Variants in NR3C2 observed in about 807,000 individuals in gnomAD.
NR3C2 encodes the protein mineralocorticoid receptor.
In NR3C2, 15 loss-of-function variants were observed where a neutral mutation model predicts 86.4. That is an observed-to-expected ratio of 0.17 (90% confidence interval 0.12 to 0.27). The LOEUF is 0.27. NR3C2 is among the 10% of genes least tolerant of loss of function. The pLI is 1.00. For synonymous variants in NR3C2, 458 were observed against 450.5 expected, an observed-to-expected ratio of 1.02 and a Z score of -0.21; for missense variants, 960 against 1,195.6, an observed-to-expected ratio of 0.80 and a Z score of 2.91.
intron 2 of NR3C2, among the ~76,000 whole-genome samples, chr4:148,276,351 A>T (rs529217195): frequency 6.6e-6 from 1 of 152,286 alleles, no homozygotes; most frequent in South Asian, 2.1e-4. Flanking sequence ...TTATATACCT[A>T]CAACTCTGAT....
chr4:148,220,073 C>A (rs1737755250), intron 3 of NR3C2, among the ~76,000 whole-genome samples: 1 of 144,870 alleles, frequency 6.9e-6, no homozygotes, highest in Non-Finnish European at 1.5e-5. Flanking sequence ...CAGGTATACA[C>A]CACTACACCC....
At chr4:148,305,863 G>A (rs1742590123) in intron 2 of NR3C2, among the ~76,000 whole-genome samples, 1 of 152,158 alleles carries the variant, frequency 6.6e-6, no homozygotes, top group African/African-American at 2.4e-5. Context: ...AATTCAATAT[G>A]TTTCCTGGCT....
At chr4:148,205,603 C>A (rs1736963994) in intron 3 of NR3C2, among the ~76,000 whole-genome samples, 1 of 152,160 alleles carries the variant, frequency 6.6e-6, no homozygotes, top group Non-Finnish European at 1.5e-5. Context: ...CTATTACATG[C>A]CAGTTACAGC....
intron 2 of NR3C2, among the ~76,000 whole-genome samples, chr4:148,274,520 T>C (rs1268800058): frequency 1.3e-5 from 2 of 151,930 alleles, no homozygotes; most frequent in African/African-American, 4.8e-5. Flanking sequence ...TTTAAAAGTG[T>C]TGGGCAGCTC....
At position 148,345,726 on chromosome 4, in the gene NR3C2, AGGACTTTAATACTGT is replaced by A. The variant is rs560577078; in HGVS notation, c.1758-85624_1758-85610del. 1.7e-3 allele frequency among the ~76,000 whole-genome samples: 253 copies of A among 152,096 alleles called. 1 individual carries two copies. The highest frequency in any genetic ancestry group is 5.8e-3 in the African/African-American group (242 of 41,532). The stretch of plus-strand genomic sequence containing the variant: ...CCGGAGTAAAGGTTAATTAAACCTG[AGGACTTTAATACTGT>A]GTTCTTTCTGGGTGTCTTCATTCAC... On this transcript the variant is annotated intron_variant, in intron 2 of 8. Coordinates refer to ENST00000358102, the MANE Select transcript of NR3C2 (RefSeq NM_000901.5).
chr4:148,282,740 A>G (rs1435173009), intron 2 of NR3C2, among the ~76,000 whole-genome samples: 1 of 152,204 alleles, frequency 6.6e-6, no homozygotes, highest in African/African-American at 2.4e-5. Flanking sequence ...AGAGCAGACT[A>G]AAGAATTCCA....
At position 148,377,289 on chromosome 4, in the gene NR3C2, C is replaced by G. The variant is rs188103555; in HGVS notation, c.1757+57815G>C. On this transcript the variant is annotated intron_variant, in intron 2 of 8. Transcript: ENST00000358102. ...TGTCTCAGGAGGTGAATGTGGCATCCACACCTGCATGGTATGAGGGCACTA... is the reference window on the plus strand; with the variant it reads ...TGTCTCAGGAGGTGAATGTGGCATCGACACCTGCATGGTATGAGGGCACTA... 3.5e-3 allele frequency among the ~76,000 whole-genome samples: 530 copies of G among 152,278 alleles called. 3 individuals are homozygous for G. The highest frequency in any genetic ancestry group is 4.7e-3 in the Non-Finnish European group (321 of 68,028).
intron 3 of NR3C2, among the ~76,000 whole-genome samples, chr4:148,242,547 A>G (rs1273933856): frequency 6.6e-6 from 1 of 152,212 alleles, no homozygotes; most frequent in Admixed American, 6.5e-5. Flanking sequence ...GTGGGCCCTG[A>G]ATTTACTGGA....
intron 2 of NR3C2, among the ~76,000 whole-genome samples, chr4:148,285,576 G>A (rs189805853): frequency 0.014 from 2,065 of 152,072 alleles, 51 homozygotes; most frequent in African/African-American, 0.047. Flanking sequence ...GCGTGGTGAC[G>A]TGCGCCTGTA....
intron 2 of NR3C2, among the ~76,000 whole-genome samples, chr4:148,430,874 A>T (rs1350805369): frequency 1.3e-5 from 2 of 152,312 alleles, no homozygotes; most frequent in African/African-American, 4.8e-5. Context: ...AAAAGAATAA[A>T]TATAGGTTAT....
intron 2 of NR3C2, among the ~76,000 whole-genome samples, chr4:148,410,531 A>T (rs996395171): frequency 6.6e-6 from 1 of 152,228 alleles, no homozygotes; most frequent in African/African-American, 2.4e-5. Flanking sequence ...TGTTAACACT[A>T]CATCCTAGTT....
intron 3 of NR3C2, among the ~76,000 whole-genome samples, chr4:148,259,387 G>A (rs750044199): frequency 1.5e-4 from 23 of 152,100 alleles, no homozygotes; most frequent in Admixed American, 4.6e-4. Flanking sequence ...ACGATTTTGG[G>A]GCAGAAGCAA....
At chr4:148,104,901 T>C (rs898288110) in intron 8 of NR3C2, among the ~76,000 whole-genome samples, 1 of 152,224 alleles carries the variant, frequency 6.6e-6, no homozygotes, top group Non-Finnish European at 1.5e-5. Context: ...CTCATTTCCA[T>C]GGCAGGCTTC....
At chr4:148,427,449 G>T (rs1350904397) in intron 2 of NR3C2, among the ~76,000 whole-genome samples, 1 of 151,866 alleles carries the variant, frequency 6.6e-6, no homozygotes, top group Non-Finnish European at 1.5e-5. Context: ...GCCAACTGTG[G>T]TGGCTTATAG....
intron 2 of NR3C2, among the ~76,000 whole-genome samples, chr4:148,433,412 A>C (rs1481142563): frequency 1.3e-5 from 2 of 152,216 alleles, no homozygotes; most frequent in Non-Finnish European, 2.9e-5. Context: ...ACAAGTGCTT[A>C]AATATTTTAA....
chr4:148,225,566 ATTCCC>A (rs1444291690), intron 3 of NR3C2, among the ~76,000 whole-genome samples: 1 of 152,132 alleles, frequency 6.6e-6, no homozygotes, highest in Non-Finnish European at 1.5e-5. Context: ...GAAAATATTT[ATTCCC>A]ATCATCTCCT....
At chr4:148,109,083 G>A (rs1412879637) in intron 8 of NR3C2, among the ~76,000 whole-genome samples, 1 of 152,142 alleles carries the variant, frequency 6.6e-6, no homozygotes, top group East Asian at 1.9e-4. Context: ...GGAAGTTCTG[G>A]CTGCCACCAG....
At chr4:148,367,210 T>C (rs1561067318) in intron 2 of NR3C2, among the ~76,000 whole-genome samples, 3 of 152,140 alleles carry the variant, frequency 2.0e-5, no homozygotes, top group East Asian at 1.9e-4. Context: ...TGTCATGAGA[T>C]TGTGTGCTTT....
In NR3C2 at chr4:148,428,002, A is replaced by G. The variant is rs540635856; in HGVS notation, c.1757+7102T>C. ...CTGATGAAGAATGGGGTGCTTACAC[A>G]GTTTCAAAGTACCTTCCACAAAATA... On this transcript the variant is annotated intron_variant, in intron 2 of 8. Transcript: ENST00000358102. Among the ~76,000 whole-genome samples the G allele has an allele frequency of 1.1e-4, 16 of 152,354 alleles. No homozygotes were observed. The East Asian group carries it at 3.1e-3, about 29-fold the overall frequency.
Sources: gnomAD v4.1 joint callset for allele counts (sites outside exome capture counted in the v4.1 genomes callset) on GRCh38, gnomAD v4.1.1 for gene constraint, MANE v1.5 for transcripts, NCBI Gene and HGNC (gene_info 2026-07-23, HGNC 2026-07-21) for gene names.